Variants in XKR6 observed in about 807,000 individuals in gnomAD.
XKR6 encodes the protein XK-related protein 6.
XKR6 carries 22 observed loss-of-function variants against 56.7 expected under a neutral mutation model. The ratio of observed to expected loss-of-function variants is 0.39; its 90% CI spans 0.28 to 0.55. XKR6 has a LOEUF of 0.55. Ranked by LOEUF, XKR6 falls within the 20% of genes least tolerant of loss-of-function variation. The pLI is 0.66. For synonymous variants in XKR6, 524 were observed against 387.8 expected, an observed-to-expected ratio of 1.35 and a Z score of -4.13; for missense variants, 852 against 889.0, an observed-to-expected ratio of 0.96 and a Z score of 0.53.
At chr8:11,083,841 A>G (rs1586521923) in intron 1 of XKR6, among the ~76,000 whole-genome samples, 1 of 152,354 alleles carries the variant, frequency 6.6e-6, no homozygotes, top group South Asian at 2.1e-4. Flanking sequence ...CTGTATGCCC[A>G]CTATGATTAC....
chr8:11,151,233 C>A (rs1010941143), intron 1 of XKR6, among the ~76,000 whole-genome samples: 1 of 152,128 alleles, frequency 6.6e-6, no homozygotes, highest in African/African-American at 2.4e-5. Context: ...TGAAAGTATG[C>A]AACCTTGAAA....
chr8:11,014,909 A>G (rs1798584138), intron 1 of XKR6, among the ~76,000 whole-genome samples: 1 of 152,240 alleles, frequency 6.6e-6, no homozygotes, highest in Admixed American at 6.5e-5. Context: ...TGTCTCAGAG[A>G]GAAAAGCTAT....
chr8:10,961,673 T>C (rs1802065616), intron 1 of XKR6, among the ~76,000 whole-genome samples: 1 of 152,260 alleles, frequency 6.6e-6, no homozygotes, highest in African/African-American at 2.4e-5. Flanking sequence ...GTGCACGGTC[T>C]GAGAGGCAGG....
intron 1 of XKR6, among the ~76,000 whole-genome samples, chr8:11,117,222 C>A (rs1336842809): frequency 2.0e-5 from 3 of 152,184 alleles, no homozygotes; most frequent in African/African-American, 4.8e-5. Context: ...AGGGGTGAAA[C>A]TGCAACCTGA....
chr8:11,131,195 C>T (rs1020024635), intron 1 of XKR6, among the ~76,000 whole-genome samples: 2 of 152,138 alleles, frequency 1.3e-5, no homozygotes, highest in Admixed American at 1.3e-4. Flanking sequence ...GAGCCTCTTT[C>T]ATTTTCCATA....
At chr8:10,999,383 G>C (rs1022135187) in intron 1 of XKR6, among the ~76,000 whole-genome samples, 2 of 152,234 alleles carry the variant, frequency 1.3e-5, no homozygotes, top group Non-Finnish European at 2.9e-5. Context: ...ATTGTATTTA[G>C]AATATGTTCT....
chr8:10,993,124 G>A (rs1798031096), intron 1 of XKR6, among the ~76,000 whole-genome samples: 1 of 152,242 alleles, frequency 6.6e-6, no homozygotes, highest in Non-Finnish European at 1.5e-5. Context: ...ATGGAACACG[G>A]AGGGCTTTTA....
chr8:11,182,016 C>A (rs970169774), intron 1 of XKR6, among the ~76,000 whole-genome samples: 6 of 152,234 alleles, frequency 3.9e-5, no homozygotes, highest in Middle Eastern at 3.2e-3. Context: ...AACTCCCACA[C>A]TCAAGCGATC....
At chr8:11,189,297 T>C (rs577522112) in intron 1 of XKR6, among the ~76,000 whole-genome samples, 2 of 152,238 alleles carry the variant, frequency 1.3e-5, no homozygotes, top group East Asian at 3.8e-4. Context: ...GGGGATCATC[T>C]GTGTTCATAA....
chr8:11,097,769 C>T (rs1273530481), intron 1 of XKR6, among the ~76,000 whole-genome samples: 5 of 142,022 alleles, frequency 3.5e-5, no homozygotes, highest in African/African-American at 5.5e-5. Flanking sequence ...ATCACGCCAC[C>T]GCACTCCAGC....
chr8:11,173,905 G>T (rs1802515669), intron 1 of XKR6, among the ~76,000 whole-genome samples: 1 of 152,062 alleles, frequency 6.6e-6, no homozygotes, highest in African/African-American at 2.4e-5. Context: ...GGACACAGTG[G>T]GAAAAAAAGA....
At chr8:10,995,853 T>C (rs1798100245) in intron 1 of XKR6, among the ~76,000 whole-genome samples, 1 of 152,166 alleles carries the variant, frequency 6.6e-6, no homozygotes, top group Non-Finnish European at 1.5e-5. Flanking sequence ...GGGCAATCCT[T>C]CCTCTTTGGT....
chr8:11,035,256 A>C lies in XKR6; in HGVS notation c.765-110426T>G, dbSNP rs775727651. 3 of 534,552 alleles carry C rather than the reference A, an allele frequency of 5.6e-6. No homozygotes were observed. The African/African-American group carries it at 5.8e-5, about 10-fold the overall frequency. 33.1% of individuals were successfully genotyped at this position (534,552 alleles called of 1,614,324 possible). A position where few individuals can be genotyped will look rare whatever the true frequency, so the allele number is the denominator to read the frequency against. ...AACGATGACGTAGCACCCCATTTCC[A>C]GCTCACACCATCGGGATCACCGCCA... is the stretch of plus-strand genomic sequence containing the variant. On this transcript the variant is annotated intron_variant, in intron 1 of 2. Coordinates refer to ENST00000416569, the MANE Select transcript of XKR6 (RefSeq NM_173683.4).
chr8:11,116,686 G>A (rs1005317825), intron 1 of XKR6, among the ~76,000 whole-genome samples: 3 of 152,088 alleles, frequency 2.0e-5, no homozygotes, highest in Admixed American at 6.5e-5. Flanking sequence ...GCTACCATTC[G>A]TTGGCAAGAA....
intron 1 of XKR6, among the ~76,000 whole-genome samples, chr8:10,968,925 T>G (rs1007339671): frequency 6.6e-6 from 1 of 152,246 alleles, no homozygotes; most frequent in African/African-American, 2.4e-5. Context: ...GGCTATCCTT[T>G]TATTCCTAAC....
chr8:11,162,068 C>G (rs7011756), intron 1 of XKR6, among the ~76,000 whole-genome samples: 87,404 of 152,082 alleles, frequency 0.57, 28,617 homozygotes, highest in African/African-American at 0.88. Flanking sequence ...TGTAAAAAAA[C>G]TGACCCAGAG....
intron 1 of XKR6, among the ~76,000 whole-genome samples, chr8:11,177,219 T>C (rs1228740975): frequency 2.0e-5 from 3 of 152,228 alleles, no homozygotes; most frequent in Admixed American, 6.5e-5. Context: ...CTCCCACAGC[T>C]ACAAAGACTC....
intron 1 of XKR6, among the ~76,000 whole-genome samples, chr8:10,999,405 A>G (rs541948507): frequency 6.6e-6 from 1 of 152,394 alleles, no homozygotes; most frequent in Non-Finnish European, 1.5e-5. Context: ...ATTAATGTGA[A>G]TGAAAATGCT....
chr8:11,011,391 C>T (rs1006560078), intron 1 of XKR6, among the ~76,000 whole-genome samples: 1 of 152,194 alleles, frequency 6.6e-6, no homozygotes, highest in African/African-American at 2.4e-5. Flanking sequence ...CAGAAGGGTA[C>T]AGGTACACAG....
Sources: gnomAD v4.1 joint callset for allele counts (sites outside exome capture counted in the v4.1 genomes callset) on GRCh38, gnomAD v4.1.1 for gene constraint, MANE v1.5 for transcripts, NCBI Gene and HGNC (gene_info 2026-07-23, HGNC 2026-07-21) for gene names.